ZNF536: variants seen among roughly 807,000 people sequenced by gnomAD.
ZNF536 encodes the protein zinc finger protein 536.
A neutral mutation model predicts 84.5 loss-of-function variants in ZNF536; 13 were observed. The observed-to-expected ratio is 0.15, with a 90% confidence interval of 0.10 to 0.24. The LOEUF (loss-of-function observed/expected upper bound fraction) is 0.24, where lower values mean the gene tolerates loss of function less well. Ranked by LOEUF, ZNF536 falls within the 10% of genes least tolerant of loss-of-function variation. ZNF536 has a pLI of 1.00. For synonymous variants in ZNF536, 811 were observed against 742.5 expected, an observed-to-expected ratio of 1.09 and a Z score of -1.50; for missense variants, 1,536 against 1,747.5, an observed-to-expected ratio of 0.88 and a Z score of 2.16.
chr19:30,684,926 G>T (rs1362706299), intron 1 of ZNF536, among the ~76,000 whole-genome samples: 1 of 152,142 alleles, frequency 6.6e-6, no homozygotes. Context: ...GCCTACTGGG[G>T]CCACTTATGT....
intron 2 of ZNF536, among the ~76,000 whole-genome samples, chr19:30,344,467 G>A (rs1051388931): frequency 3.2e-4 from 41 of 130,066 alleles, no homozygotes; most frequent in African/African-American, 1.1e-3. Flanking sequence ...AAAAAGACAA[G>A]GATGCTGTCA....
At chr19:30,565,947 C>T (rs1008604642) in intron 1 of ZNF536, among the ~76,000 whole-genome samples, 2 of 152,150 alleles carry the variant, frequency 1.3e-5, no homozygotes, top group African/African-American at 4.8e-5. Flanking sequence ...TGTCATCAAC[C>T]GCATCACACC....
chr19:30,547,890 C>T (rs2045614724), intron 3 of ZNF536, 53 bp from the exon 4 acceptor site: 2 of 1,506,860 alleles, frequency 1.3e-6, no homozygotes, highest in South Asian at 2.8e-5. Context: ...CCTCGTTCAG[C>T]ACACCAAAAT....
At chr19:30,231,924 T>C (rs1018489855) in intron 1 of ZNF536, among the ~76,000 whole-genome samples, 1 of 152,030 alleles carries the variant, frequency 6.6e-6, no homozygotes, top group African/African-American at 2.4e-5. Context: ...GATAGACTGG[T>C]GAGTTTGTAA....
At chr19:30,257,642 C>T (rs1568535326) in intron 1 of ZNF536, among the ~76,000 whole-genome samples, 1 of 152,218 alleles carries the variant, frequency 6.6e-6, no homozygotes, top group Non-Finnish European at 1.5e-5. Context: ...ACTCTGTTTA[C>T]AGGGAAGAAC....
At chr19:30,257,218 G>T (rs2024958166) in intron 1 of ZNF536, among the ~76,000 whole-genome samples, 1 of 152,180 alleles carries the variant, frequency 6.6e-6, no homozygotes, top group Non-Finnish European at 1.5e-5. Flanking sequence ...TTTGAAATTG[G>T]TCTTGGCAGA....
chr19:30,613,134 A>G (rs1014599807), intron 1 of ZNF536, among the ~76,000 whole-genome samples: 1 of 152,212 alleles, frequency 6.6e-6, no homozygotes. Context: ...GTCAGGAGGA[A>G]CTTGAGGTGA....
At chr19:30,337,744 A>G (rs1202323913) in intron 2 of ZNF536, among the ~76,000 whole-genome samples, 3 of 152,338 alleles carry the variant, frequency 2.0e-5, no homozygotes, top group Admixed American at 6.5e-5. Flanking sequence ...AACCTTTCTG[A>G]GCCTCAGTTT....
intron 1 of ZNF536, among the ~76,000 whole-genome samples, chr19:30,587,553 G>C (rs2047137028): frequency 6.6e-6 from 1 of 151,750 alleles, no homozygotes; most frequent in South Asian, 2.1e-4. Flanking sequence ...AATACTGAAG[G>C]GCCTGGTTAG....
At chr19:30,262,635 G>A (rs568655812) in intron 1 of ZNF536, among the ~76,000 whole-genome samples, 3 of 152,164 alleles carry the variant, frequency 2.0e-5, no homozygotes, top group Non-Finnish European at 4.4e-5. Flanking sequence ...GGTGTTCGTG[G>A]AATGCTATGG....
At chr19:30,434,695 G>A (rs1386568476) in intron 1 of ZNF536, among the ~76,000 whole-genome samples, 1 of 152,158 alleles carries the variant, frequency 6.6e-6, no homozygotes, top group Non-Finnish European at 1.5e-5. Flanking sequence ...ATGAAGATGA[G>A]GATCCTGTTA....
chr19:30,378,199 G>C (rs2048889206), intron 1 of ZNF536, among the ~76,000 whole-genome samples: 1 of 152,122 alleles, frequency 6.6e-6, no homozygotes, highest in African/African-American at 2.4e-5. Context: ...TTTTCACTCA[G>C]TCACCCAGGC....
At chr19:30,560,240 T>C (rs8112222), downstream of ZNF536, among the ~76,000 whole-genome samples, 3,412 of 151,968 alleles carry the variant, frequency 0.022, 122 homozygotes, top group African/African-American at 0.078. Context: ...CTAAGCCACC[T>C]TCCATCCCCA....
At chr19:30,596,267 G>GA (rs550196780) in intron 1 of ZNF536, among the ~76,000 whole-genome samples, 18 of 149,142 alleles carry the variant, frequency 1.2e-4, no homozygotes, top group East Asian at 3.9e-4. Context: ...AGGGAGAGGG[G>GA]AAAAAAAAAG....
intron 1 of ZNF536, among the ~76,000 whole-genome samples, chr19:30,596,122 C>T (rs1467100159): frequency 6.6e-6 from 1 of 152,102 alleles, no homozygotes; most frequent in Non-Finnish European, 1.5e-5. Context: ...TTCTTATAGA[C>T]CTAATGTGGC....
chr19:30,236,535 G>T lies in ZNF536; in HGVS notation c.-190+7862G>T, dbSNP rs542024861. ...GCTTTTGTTAAAGTTGGGGCGGGGG[G>T]GGGGTACAATTGGAATTTTAGTTCC... On this transcript the variant is annotated intron_variant, in intron 1 of 5. Coordinates refer to the ZNF536 transcript ENST00000585628. Among the ~76,000 whole-genome samples, 6 of 151,602 alleles carry T rather than the reference G, an allele frequency of 4.0e-5. No individual in the cohort carries two copies. The South Asian group carries it at 6.3e-4, about 16-fold the overall frequency.
intron 3 of ZNF536, among the ~76,000 whole-genome samples, chr19:30,538,112 T>A (rs2045168048): frequency 6.6e-6 from 1 of 152,240 alleles, no homozygotes; most frequent in South Asian, 2.1e-4. Context: ...TGATTTCATG[T>A]GGGACTCAAG....
At chr19:30,599,806 G>C (rs1208728370) in intron 1 of ZNF536, among the ~76,000 whole-genome samples, 1 of 152,192 alleles carries the variant, frequency 6.6e-6, no homozygotes, top group African/African-American at 2.4e-5. Flanking sequence ...TGGCAACCTT[G>C]AGGCATCTTG....
At chr19:30,494,945 C>CAATA (rs2054656675) in intron 2 of ZNF536, among the ~76,000 whole-genome samples, 1 of 69,954 alleles carries the variant, frequency 1.4e-5, no homozygotes, top group African/African-American at 5.5e-5. Context: ...GACTCCGTCT[C>CAATA]AAAAAAGAAA....
Sources: allele counts gnomAD v4.1 joint callset (sites outside exome capture counted in the v4.1 genomes callset), GRCh38; gene constraint gnomAD v4.1.1; transcripts MANE v1.5; gene names NCBI Gene and HGNC (gene_info 2026-07-23, HGNC 2026-07-21).